The following PDE4D variants were observed in gnomAD, a reference collection of about 807,000 sequenced individuals.
PDE4D encodes 3',5'-cyclic-AMP phosphodiesterase 4D.
PDE4D carries 24 observed loss-of-function variants against 87.4 expected under a neutral mutation model. The observed-to-expected ratio is 0.27, with a 90% confidence interval of 0.20 to 0.39. The LOEUF is 0.39. Among genes scored for constraint, PDE4D ranks in the 10% least tolerant of loss-of-function variants. The pLI is 1.00. For missense variants in PDE4D, 714 were observed against 1,041.0 expected, an observed-to-expected ratio of 0.69 and a Z score of 4.32; for synonymous variants, 384 against 383.2, an observed-to-expected ratio of 1.00 and a Z score of -0.02.
chr5:59,429,851 C>T (rs967412708), intron 1 of PDE4D, among the ~76,000 whole-genome samples: 1 of 152,082 alleles, frequency 6.6e-6, no homozygotes, highest in African/African-American at 2.4e-5. Context: ...CTAGCAACTA[C>T]AGGAAAACAA....
At chr5:60,494,004 G>A (rs1749681191) in intron 1 of PDE4D, among the ~76,000 whole-genome samples, 1 of 152,148 alleles carries the variant, frequency 6.6e-6, no homozygotes, top group South Asian at 2.1e-4. Context: ...GGTACTTTCT[G>A]CAAGATTAAA....
At chr5:59,229,907 T>C (rs1307787376) in intron 1 of PDE4D, among the ~76,000 whole-genome samples, 2 of 152,202 alleles carry the variant, frequency 1.3e-5, no homozygotes. Flanking sequence ...CAAGTGATTC[T>C]CCTGCCTCAG....
At position 59,215,788 on chromosome 5, in the gene PDE4D, A is replaced by G. The variant is rs1751129245; in HGVS notation, c.636T>C (p.Ile212=). 6.2e-7 allele frequency: 1 copy of G among 1,613,450 alleles called. No homozygotes were observed. The highest frequency in any genetic ancestry group is 1.1e-5 in the South Asian group (1 of 91,072). Residue 212 remains isoleucine (I), a synonymous_variant, in exon 2 of 15, where the codon ATT becomes ATC. Transcript: ENST00000340635. Reference sequence around the variant, plus strand: ...GCCCTTGTACTTACATATCACTGGCAATGGAGGAGTTCCGGGACATAGACT... The same window carrying G: ...GCCCTTGTACTTACATATCACTGGCGATGGAGGAGTTCCGGGACATAGACT... ...SPKSMSRNSS[I]ASDIHGDDLI...
chr5:60,433,013 G>A (rs542007224), intron 1 of PDE4D, among the ~76,000 whole-genome samples: 13 of 152,156 alleles, frequency 8.5e-5, no homozygotes, highest in African/African-American at 3.1e-4. Context: ...TCTAAACATA[G>A]GCCCTGGCAA....
rs977825280 is a variant in PDE4D, at chr5:60,038,166, T to G, written c.43-49449A>C. The stretch of plus-strand genomic sequence containing the variant: ...TGTCAATTTTGGCTTTGGTTGCCAT[T>G]GCTTTTGGTGTTTTAGACATGAAGT... On this transcript the variant is annotated intron_variant, in intron 2 of 16. Transcript: ENST00000502484. Among the ~76,000 whole-genome samples, 17 of 152,316 alleles carry G rather than the reference T, an allele frequency of 1.1e-4. No individual in the cohort carries two copies. The South Asian group carries it at 1.4e-3, about 13-fold the overall frequency.
intron 1 of PDE4D, among the ~76,000 whole-genome samples, chr5:60,254,416 G>A (rs1317199034): frequency 6.6e-6 from 1 of 151,938 alleles, no homozygotes; most frequent in Non-Finnish European, 1.5e-5. Flanking sequence ...TTAAGCAAGT[G>A]AAGCATTATT....
chr5:59,656,457 C>T (rs1744377140), intron 1 of PDE4D, among the ~76,000 whole-genome samples: 1 of 152,202 alleles, frequency 6.6e-6, no homozygotes, highest in Non-Finnish European at 1.5e-5. Flanking sequence ...GATATGCTTT[C>T]AATCTTATTA....
chr5:59,555,637 G>A (rs769025203), intron 1 of PDE4D, among the ~76,000 whole-genome samples: 1 of 152,048 alleles, frequency 6.6e-6, no homozygotes, highest in Admixed American at 6.6e-5. Context: ...TCCTTACCCC[G>A]ATCTCCAACT....
In PDE4D at chr5:59,125,205, T is replaced by G. The variant is rs562043278; in HGVS notation, c.808+55390A>C. On this transcript the variant is annotated intron_variant, in intron 5 of 14. Transcript: ENST00000340635. The stretch of plus-strand genomic sequence containing the variant: ...ATGGCTCATTAAGCTAGAGTTAGAC[T>G]GGTGTCCATAATCAAATTTACTGCA... The G allele has an allele frequency of 7.9e-6, 6 of 759,652 alleles. No individual in the cohort carries two copies. In the East Asian group the frequency reaches 7.7e-4, roughly 98 times the overall value. The allele number at this position is 759,652 out of a possible 1,614,324, so 47.1% of individuals were successfully genotyped here. A position where few individuals can be genotyped will look rare whatever the true frequency, so the allele number is the denominator to read the frequency against.
chr5:59,481,507 T>C (rs1371350981), intron 1 of PDE4D, among the ~76,000 whole-genome samples: 3 of 152,074 alleles, frequency 2.0e-5, no homozygotes, highest in African/African-American at 4.8e-5. Flanking sequence ...ATTAGACCCA[T>C]GGAACCCTTC....
rs371996116 is a variant in PDE4D at position 60,474,357 on chromosome 5, C to T, written c.-90+13585G>A. 1.2e-3 allele frequency among the ~76,000 whole-genome samples: 182 copies of T among 151,498 alleles called. 1 individual carries two copies. Among genetic ancestry groups the T allele is most frequent in the African/African-American group, 4.4e-3 (180 of 41,336 alleles). On this transcript the variant is annotated intron_variant, in intron 1 of 16. Coordinates refer to the PDE4D transcript ENST00000502484. The stretch of plus-strand genomic sequence containing the variant: ...CTCTTTATAAGGGCACTAATTCATT[C>T]ATGGAGAGAGAGCCCTCACAACCTA...
At chr5:60,323,114 T>C (rs1235523301) in intron 1 of PDE4D, among the ~76,000 whole-genome samples, 1 of 152,220 alleles carries the variant, frequency 6.6e-6, no homozygotes, top group African/African-American at 2.4e-5. Context: ...CTCACTCTTT[T>C]GTGTATCTCT....
chr5:60,102,837 C>CAG (rs1376073749), intron 2 of PDE4D, among the ~76,000 whole-genome samples: 1 of 152,054 alleles, frequency 6.6e-6, no homozygotes, highest in Non-Finnish European at 1.5e-5. Context: ...CATGACCAAC[C>CAG]AGAAGATATA....
At chr5:59,251,870 T>G (rs1760012372) in intron 1 of PDE4D, among the ~76,000 whole-genome samples, 1 of 152,104 alleles carries the variant, frequency 6.6e-6, no homozygotes, top group African/African-American at 2.4e-5. Context: ...GATCATGTCT[T>G]TTAACATGGA....
chr5:59,448,465 T>C (rs1379364953), intron 1 of PDE4D, among the ~76,000 whole-genome samples: 1 of 152,220 alleles, frequency 6.6e-6, no homozygotes, highest in Non-Finnish European at 1.5e-5. Flanking sequence ...ATCTGGGTAT[T>C]ACTTCAAGTA....
chr5:59,653,900 A>AG (rs1743934805), intron 1 of PDE4D, among the ~76,000 whole-genome samples: 1 of 54,260 alleles, frequency 1.8e-5, no homozygotes, highest in Non-Finnish European at 3.6e-5. Context: ...GAAGGGTGGG[A>AG]GGGGAGGGGA....
chr5:60,117,490 A>C (rs1001968223), intron 2 of PDE4D, among the ~76,000 whole-genome samples: 13 of 152,116 alleles, frequency 8.5e-5, no homozygotes, highest in African/African-American at 2.9e-4. Flanking sequence ...ATTAGACTAC[A>C]ATCTATAAAT....
At chr5:59,222,139 T>G (rs2153511111) in intron 1 of PDE4D, among the ~76,000 whole-genome samples, 1 of 152,270 alleles carries the variant, frequency 6.6e-6, no homozygotes, top group East Asian at 1.9e-4. Context: ...AACTAATTAC[T>G]CCCAGTTCTC....
At position 59,750,410 on chromosome 5, in the gene PDE4D, T is replaced by G. The variant is rs1040388306; in HGVS notation, c.455+142758A>C. ...TGGCTCCTACCTCATTTTCTATAAC[T>G]TCCCCCCTCCCTCAAATACGCCAAC... On this transcript the variant is annotated intron_variant, in intron 1 of 14. Transcript: ENST00000340635. Among the ~76,000 whole-genome samples, 4 of 152,140 alleles carry G rather than the reference T, an allele frequency of 2.6e-5. No homozygotes were observed. In the East Asian group the frequency reaches 7.7e-4, roughly 29 times the overall value.
Sources: allele counts gnomAD v4.1 joint callset (sites outside exome capture counted in the v4.1 genomes callset), GRCh38; gene constraint gnomAD v4.1.1; transcripts MANE v1.5; gene names NCBI Gene and HGNC (gene_info 2026-07-23, HGNC 2026-07-21).